GALNT16: variants seen among roughly 807,000 people sequenced by gnomAD.
GALNT16 encodes UDP-GalNAc:polypeptide N-acetylgalactosaminyltransferase-like protein 1.
GALNT16 carries 40 observed loss-of-function variants against 76.1 expected under a neutral mutation model. The observed-to-expected ratio is 0.53, with a 90% CI of 0.41 to 0.68. The LOEUF is 0.68. GALNT16 is among the 30% of genes least tolerant of loss of function. The pLI is 0.00. For synonymous variants in GALNT16, 276 were observed against 285.2 expected (o/e 0.97, Z 0.32); for missense variants, 621 against 731.9 (o/e 0.85, Z 1.75).
At chr14:69,375,894 C>T in the GALNT16 span, among the ~76,000 whole-genome samples, 2 of 152,230 alleles carry the variant, frequency 1.3e-5, no homozygotes, top group South Asian at 2.1e-4. Flanking sequence ...CTGCCTTGGC[C>T]TCCCAAAGTG....
downstream of GALNT16, chr14:69,355,368 T>C: frequency 6.6e-6 from 1 of 152,396 alleles, no homozygotes; most frequent in Non-Finnish European, 1.5e-5. Flanking sequence ...GCAGCCTCCA[T>C]TCCCCCATCC....
chr14:69,304,895 A>G (rs2044909577), intron 1 of GALNT16, among the ~76,000 whole-genome samples: 1 of 152,182 alleles, frequency 6.6e-6, no homozygotes, highest in Non-Finnish European at 1.5e-5. Flanking sequence ...TTGTTCCCAC[A>G]TCTTGGCTAT....
chr14:69,334,101 T>C (rs1262423237), intron 9 of GALNT16, among the ~76,000 whole-genome samples: 1 of 152,246 alleles, frequency 6.6e-6, no homozygotes, highest in African/African-American at 2.4e-5. Flanking sequence ...GAGGTTGTTA[T>C]GAGTACTAAA....
chr14:69,323,171 G>T (rs1300464453), intron 2 of GALNT16, among the ~76,000 whole-genome samples: 3 of 152,168 alleles, frequency 2.0e-5, no homozygotes, highest in Non-Finnish European at 4.4e-5. Flanking sequence ...TCAATCTAGG[G>T]AGCCCGCTCC....
intron 1 of GALNT16, among the ~76,000 whole-genome samples, chr14:69,299,035 G>A (rs971696782): frequency 6.6e-5 from 10 of 152,238 alleles, no homozygotes; most frequent in African/African-American, 2.4e-4. Context: ...CAATTTGGAT[G>A]AAGCATAAGA....
chr14:69,304,609 T>C (rs2044904926), intron 1 of GALNT16, among the ~76,000 whole-genome samples: 1 of 152,208 alleles, frequency 6.6e-6, no homozygotes, highest in Admixed American at 6.5e-5. Context: ...TAATTCCCCA[T>C]TTCCTTTACA....
chr14:69,282,423 T>A (rs1439376090), intron 1 of GALNT16, among the ~76,000 whole-genome samples: 1 of 152,130 alleles, frequency 6.6e-6, no homozygotes, highest in Non-Finnish European at 1.5e-5. Context: ...AGAACACCCC[T>A]AGCTCCTCAG....
the GALNT16 span, among the ~76,000 whole-genome samples, chr14:69,366,509 A>G: frequency 6.6e-6 from 1 of 152,156 alleles, no homozygotes; most frequent in African/African-American, 2.4e-5. Context: ...AGCTCAAAAT[A>G]TTATTCTCTC....
intron 9 of GALNT16, among the ~76,000 whole-genome samples, chr14:69,335,378 C>T (rs2045403267): frequency 6.6e-6 from 1 of 152,176 alleles, no homozygotes; most frequent in Non-Finnish European, 1.5e-5. Context: ...ATTCTGACCC[C>T]TTTCATGTGT....
At chr14:69,288,221 G>A (rs2044641560) in intron 1 of GALNT16, among the ~76,000 whole-genome samples, 1 of 152,182 alleles carries the variant, frequency 6.6e-6, no homozygotes, top group South Asian at 2.1e-4. Flanking sequence ...GTTTAAAGTT[G>A]CACAGCTTGT....
At chr14:69,341,900 C>A in intron 12 of GALNT16, 136 bp downstream of exon 12, 1 of 656,280 alleles carries the variant, frequency 1.5e-6, no homozygotes, top group South Asian at 1.8e-5. Flanking sequence ...TTTATCTTCA[C>A]GTGACGGCTG....
At chr14:69,325,194 G>T in intron 3 of GALNT16, 143 bp from the exon 4 acceptor site, 1 of 658,390 alleles carries the variant, frequency 1.5e-6, no homozygotes, top group East Asian at 2.6e-5. Context: ...AATGAACTTA[G>T]ACAAGAATAG....
intron 1 of GALNT16, among the ~76,000 whole-genome samples, chr14:69,289,981 C>T (rs1268577075): frequency 4.6e-5 from 7 of 152,174 alleles, no homozygotes; most frequent in South Asian, 4.2e-4. Context: ...TCAGGCAATC[C>T]GCTCGCCTCG....
At chr14:69,289,566 G>A (rs554007327) in intron 1 of GALNT16, among the ~76,000 whole-genome samples, 2 of 152,146 alleles carry the variant, frequency 1.3e-5, no homozygotes, top group Admixed American at 1.3e-4. Context: ...CTCCACAGGG[G>A]CCTACAAGGA....
intron 1 of GALNT16, among the ~76,000 whole-genome samples, chr14:69,265,647 C>A (rs906084797): frequency 1.3e-5 from 2 of 152,194 alleles, no homozygotes; most frequent in African/African-American, 4.8e-5. Flanking sequence ...AGCACCTTCC[C>A]CATGAACAGC....
chr14:69,326,040 A>G lies in GALNT16; in HGVS notation c.568+13A>G. 6.2e-7 allele frequency: 1 copy of G among 1,608,728 alleles called. No individual in the cohort carries two copies. The highest frequency in any genetic ancestry group is 1.7e-5 in the Admixed American group (1 of 60,006). On this transcript the variant is annotated intron_variant, in intron 5 of 14. Transcript: ENST00000448469. ...GATCGGCGGGAAGGTGAGTCCTTGC[A>G]CCCTGGGTCCCACCAAGGGCCCATC...
intron 9 of GALNT16, among the ~76,000 whole-genome samples, chr14:69,334,042 T>A (rs1262204849): frequency 6.6e-6 from 1 of 152,262 alleles, no homozygotes; most frequent in African/African-American, 2.4e-5. Flanking sequence ...ACCTGCATGC[T>A]GTTTGGCCCT....
the GALNT16 span, among the ~76,000 whole-genome samples, chr14:69,363,657 A>T: frequency 7.0e-6 from 1 of 141,900 alleles, no homozygotes; most frequent in South Asian, 2.2e-4. Context: ...TTGGTACAGA[A>T]GTGGTCAGTA....
Position 69,330,919 on chromosome 14 carries a change from TG to T in GALNT16, c.691-543del, listed in dbSNP as rs143743962. Among the ~76,000 whole-genome samples the T allele has an allele frequency of 6.2e-3, 945 of 152,234 alleles. 65 individuals are homozygous for T. In the East Asian group the frequency reaches 0.17, roughly 27 times the overall value. On this transcript the variant is annotated intron_variant, in intron 6 of 14. Transcript: ENST00000448469. Reference sequence around the variant, plus strand: ...AGTGGCGAGTCTGACCTTGTAACAGTGGATGTGGTATGAGAGGGATAGCACC... The same window carrying T: ...AGTGGCGAGTCTGACCTTGTAACAGTGATGTGGTATGAGAGGGATAGCACC...
Sources: gnomAD v4.1 joint callset for allele counts (sites outside exome capture counted in the v4.1 genomes callset) on GRCh38, gnomAD v4.1.1 for gene constraint, MANE v1.5 for transcripts, NCBI Gene and HGNC (gene_info 2026-07-23, HGNC 2026-07-21) for gene names.